The following CCSER1 variants were observed in gnomAD, a reference collection of about 807,000 sequenced individuals.
CCSER1 encodes the protein coiled-coil serine rich protein 1, also known as serine-rich coiled-coil domain-containing protein 1.
CCSER1 carries 41 observed loss-of-function variants against 82.0 expected under a neutral mutation model. The ratio of observed to expected loss-of-function variants is 0.50; its 90% confidence interval spans 0.39 to 0.65. The LOEUF is 0.65. CCSER1 is among the 30% of genes least tolerant of loss of function. The pLI, the probability that CCSER1 is intolerant of heterozygous loss-of-function variation, is 0.00. For missense variants in CCSER1, 1,119 were observed against 1,064.2 expected (o/e 1.05, Z -0.72); for synonymous variants, 414 against 383.9 (o/e 1.08, Z -0.92).
chr4:90,438,888 T>A (rs1759447754), intron 4 of CCSER1, among the ~76,000 whole-genome samples: 1 of 152,180 alleles, frequency 6.6e-6, no homozygotes, highest in South Asian at 2.1e-4. Flanking sequence ...ACAGTGCAGA[T>A]AGTGAAATAA....
intron 5 of CCSER1, among the ~76,000 whole-genome samples, chr4:90,606,675 G>A (rs2148793521): frequency 6.6e-6 from 1 of 152,104 alleles, no homozygotes; most frequent in Middle Eastern, 3.4e-3. Flanking sequence ...CAAATCTATG[G>A]CATGGATATG....
chr4:90,675,477 T>G (rs577836774), intron 6 of CCSER1, among the ~76,000 whole-genome samples: 1 of 152,042 alleles, frequency 6.6e-6, no homozygotes, highest in Non-Finnish European at 1.5e-5. Flanking sequence ...ATTGGTATTT[T>G]TTGTATTTTA....
chr4:90,781,410 C>G, intron 7 of CCSER1: 23 of 985,418 alleles, frequency 2.3e-5, no homozygotes, highest in Non-Finnish European at 2.8e-5. Context: ...CATAAAATCT[C>G]TGTAATACTA....
intron 5 of CCSER1, among the ~76,000 whole-genome samples, chr4:90,580,144 T>C (rs1374128913): frequency 1.3e-5 from 2 of 152,160 alleles, no homozygotes; most frequent in Non-Finnish European, 2.9e-5. Context: ...TCAAAATACA[T>C]GCATAGGGAT....
intron 1 of CCSER1, among the ~76,000 whole-genome samples, chr4:90,204,977 A>G (rs1263556132): frequency 1.3e-5 from 2 of 152,202 alleles, no homozygotes; most frequent in African/African-American, 4.8e-5. Flanking sequence ...AAGTTCACTC[A>G]AGATTTGGCT....
intron 10 of CCSER1, among the ~76,000 whole-genome samples, chr4:91,266,958 T>A (rs1244920315): frequency 6.6e-6 from 1 of 152,190 alleles, no homozygotes. Context: ...TCCAGATAAT[T>A]GGAAAATTGC....
At chr4:90,217,454 T>A (rs892741011) in intron 1 of CCSER1, among the ~76,000 whole-genome samples, 1 of 152,190 alleles carries the variant, frequency 6.6e-6, no homozygotes, top group Non-Finnish European at 1.5e-5. Context: ...CGCCTCGGCC[T>A]CCCAAAGTAC....
chr4:90,701,160 A>C (rs999987538), intron 6 of CCSER1, among the ~76,000 whole-genome samples: 4 of 152,204 alleles, frequency 2.6e-5, no homozygotes, highest in African/African-American at 9.6e-5. Flanking sequence ...TAATTTTTGT[A>C]GAAGGTATAA....
At chr4:91,562,663 G>C (rs916972137) in intron 10 of CCSER1, among the ~76,000 whole-genome samples, 1 of 151,494 alleles carries the variant, frequency 6.6e-6, no homozygotes, top group African/African-American at 2.4e-5. Context: ...TCATTGTTTA[G>C]CATAGCCATT....
chr4:90,552,737 A>G (rs1444134685), intron 5 of CCSER1, among the ~76,000 whole-genome samples: 4 of 152,070 alleles, frequency 2.6e-5, no homozygotes, highest in Non-Finnish European at 5.9e-5. Context: ...GATTATAGGC[A>G]TGAGCCACTG....
intron 4 of CCSER1, among the ~76,000 whole-genome samples, chr4:90,461,106 C>T (rs1344410328): frequency 9.3e-6 from 1 of 108,030 alleles, no homozygotes; most frequent in Non-Finnish European, 1.8e-5. Context: ...CGCTCTGTCG[C>T]CCAGGCTGGA....
intron 10 of CCSER1, among the ~76,000 whole-genome samples, chr4:91,354,281 T>G (rs571882033): frequency 1.3e-5 from 2 of 152,234 alleles, no homozygotes; most frequent in Non-Finnish European, 2.9e-5. Flanking sequence ...ACAGCTATGC[T>G]TCATTTTTCG....
chr4:90,298,449 T>A (rs1421723817), intron 1 of CCSER1, among the ~76,000 whole-genome samples: 2 of 150,394 alleles, frequency 1.3e-5, no homozygotes, highest in Non-Finnish European at 3.0e-5. Flanking sequence ...AACCAGCTCC[T>A]GGATTCATTA....
intron 3 of CCSER1, among the ~76,000 whole-genome samples, chr4:90,362,462 T>A (rs1484216357): frequency 6.6e-6 from 1 of 152,200 alleles, no homozygotes; most frequent in Non-Finnish European, 1.5e-5. Context: ...GAAGCATTAA[T>A]CAATACATAA....
At chr4:90,454,358 GGCT>G (rs1022365508) in intron 4 of CCSER1, among the ~76,000 whole-genome samples, 1 of 151,746 alleles carries the variant, frequency 6.6e-6, no homozygotes, top group African/African-American at 2.4e-5. Flanking sequence ...TGATGTCTGG[GGCT>G]GCCCGAGTAA....
chr4:90,283,609 T>A (rs7688487), intron 1 of CCSER1, among the ~76,000 whole-genome samples: 2,399 of 152,196 alleles, frequency 0.016, 39 homozygotes, highest in African/African-American at 0.048. Context: ...TTAGATCTTA[T>A]TCCTTATATC....
At chr4:91,211,530 G>A (rs781091220) in intron 10 of CCSER1, among the ~76,000 whole-genome samples, 2 of 152,058 alleles carry the variant, frequency 1.3e-5, no homozygotes, top group Non-Finnish European at 2.9e-5. Flanking sequence ...AACTATTCAT[G>A]AGTTATAGGA....
intron 4 of CCSER1, among the ~76,000 whole-genome samples, chr4:90,453,536 G>A (rs962145975): frequency 1.3e-5 from 2 of 152,178 alleles, no homozygotes; most frequent in African/African-American, 4.8e-5. Context: ...ACCGAGACCA[G>A]TGTGGCAATT....
At chr4:91,371,322 T>G (rs977284006) in intron 10 of CCSER1, among the ~76,000 whole-genome samples, 1 of 142,704 alleles carries the variant, frequency 7.0e-6, no homozygotes, top group Non-Finnish European at 1.5e-5. Flanking sequence ...CAACACTACC[T>G]TTCTCAGCCT....
Sources: allele counts gnomAD v4.1 joint callset (sites outside exome capture counted in the v4.1 genomes callset), GRCh38; gene constraint gnomAD v4.1.1; transcripts MANE v1.5; gene names NCBI Gene and HGNC (gene_info 2026-07-23, HGNC 2026-07-21).